Variants in EPHB1 observed in about 807,000 individuals in gnomAD.
EPHB1 encodes the protein ephrin type-B receptor 1.
Under a neutral mutation model 94.4 loss-of-function variants are expected in EPHB1, and 30 were observed. The observed-to-expected ratio is 0.32, with a 90% CI of 0.24 to 0.43. The LOEUF is 0.43. Ranked by LOEUF, EPHB1 falls within the 20% of genes least tolerant of loss-of-function variation. The pLI, the probability that EPHB1 is intolerant of heterozygous loss-of-function variation, is 1.00. For synonymous variants in EPHB1, 522 were observed against 489.1 expected (o/e 1.07, Z -0.89); for missense variants, 1,055 against 1,308.3 (o/e 0.81, Z 2.99).
intron 12 of EPHB1, among the ~76,000 whole-genome samples, chr3:135,218,664 T>C (rs1943210175): frequency 6.6e-6 from 1 of 152,232 alleles, no homozygotes; most frequent in Non-Finnish European, 1.5e-5. Flanking sequence ...TACTGGCTGT[T>C]CTCCTAGCCA....
rs959906955 is a variant in EPHB1 at position 135,080,522 on chromosome 3, G to A, written c.806-25926G>A. 6.6e-5 allele frequency among the ~76,000 whole-genome samples: 10 copies of A among 152,122 alleles called. No homozygotes were observed. The South Asian group carries it at 1.0e-3, about 16-fold the overall frequency. ...TTGGGGGTGGGGCAAAGGTAGCATC[G>A]TCAGAGGTCCAAGATTGAATAGTCT... On this transcript the variant is annotated intron_variant, in intron 3 of 15. Coordinates refer to ENST00000398015, the MANE Select transcript of EPHB1 (RefSeq NM_004441.5).
chr3:134,960,237 G>A (rs776283183), intron 3 of EPHB1, among the ~76,000 whole-genome samples: 1 of 152,038 alleles, frequency 6.6e-6, no homozygotes, highest in East Asian at 1.9e-4. Flanking sequence ...ACTGGAAAGA[G>A]TAACTTGAGG....
intron 5 of EPHB1, among the ~76,000 whole-genome samples, chr3:135,152,589 G>A (rs1347962109): frequency 2.6e-5 from 4 of 152,180 alleles, no homozygotes; most frequent in African/African-American, 7.2e-5. Flanking sequence ...AAAGGAGAGA[G>A]GGAAGGAAGG....
chr3:135,088,478 GT>G (rs1205644015), intron 3 of EPHB1, among the ~76,000 whole-genome samples: 5 of 152,154 alleles, frequency 3.3e-5, no homozygotes, highest in South Asian at 4.2e-4. Context: ...AAAATACAGG[GT>G]TTTTTTTCTC....
chr3:135,167,058 A>G (rs1941670925), intron 9 of EPHB1, 52 bp downstream of exon 9: 3 of 1,592,528 alleles, frequency 1.9e-6, no homozygotes, highest in Admixed American at 1.7e-5. Context: ...CACTGAGTCA[A>G]GTGGGCTAGT....
chr3:135,048,211 T>TA (rs1217491898), intron 3 of EPHB1, among the ~76,000 whole-genome samples: 117 of 129,522 alleles, frequency 9.0e-4, no homozygotes, highest in African/African-American at 1.7e-3. Context: ...TTTCAAGTCT[T>TA]AAAAAAAATA....
chr3:135,166,336 A>G (rs1387583875), intron 8 of EPHB1, among the ~76,000 whole-genome samples: 2 of 152,174 alleles, frequency 1.3e-5, no homozygotes, highest in Admixed American at 6.5e-5. Flanking sequence ...CCCCTCTTAC[A>G]CACAATGGCT....
At chr3:134,810,122 C>T (rs1251310988) in intron 1 of EPHB1, among the ~76,000 whole-genome samples, 1 of 152,198 alleles carries the variant, frequency 6.6e-6, no homozygotes, top group Non-Finnish European at 1.5e-5. Context: ...CTCTGTTGAT[C>T]TGAGGTCCTA....
At chr3:134,963,069 C>A (rs1933585405) in intron 3 of EPHB1, among the ~76,000 whole-genome samples, 1 of 151,948 alleles carries the variant, frequency 6.6e-6, no homozygotes, top group Non-Finnish European at 1.5e-5. Context: ...CTCCCTACTT[C>A]TCTTACTTAC....
chr3:134,880,562 C>T (rs1432282511), intron 1 of EPHB1, among the ~76,000 whole-genome samples: 8 of 152,316 alleles, frequency 5.3e-5, no homozygotes, highest in African/African-American at 1.9e-4. Context: ...TGTAGCCCCC[C>T]GACACAGCCA....
intron 12 of EPHB1, among the ~76,000 whole-genome samples, chr3:135,203,129 A>C (rs1274621565): frequency 6.6e-6 from 1 of 152,242 alleles, no homozygotes; most frequent in Non-Finnish European, 1.5e-5. Context: ...CGGAAAACCA[A>C]ACACTACATG....
At chr3:135,105,418 A>G (rs544454326) in intron 3 of EPHB1, among the ~76,000 whole-genome samples, 1 of 152,326 alleles carries the variant, frequency 6.6e-6, no homozygotes, top group South Asian at 2.1e-4. Flanking sequence ...AGGATGAGCC[A>G]GAGTAGGTTT....
intron 12 of EPHB1, among the ~76,000 whole-genome samples, chr3:135,238,160 G>A (rs1943699186): frequency 6.6e-6 from 1 of 152,212 alleles, no homozygotes; most frequent in African/African-American, 2.4e-5. Flanking sequence ...AAAGATGGAA[G>A]GAAGGTTTAA....
At chr3:134,821,551 GA>G (rs1272731038) in intron 1 of EPHB1, among the ~76,000 whole-genome samples, 2 of 152,016 alleles carry the variant, frequency 1.3e-5, no homozygotes, top group Non-Finnish European at 2.9e-5. Context: ...AATTAGTGGT[GA>G]AAAAAGGATA....
chr3:134,934,678 T>C (rs1408518832), intron 2 of EPHB1, among the ~76,000 whole-genome samples: 3 of 149,846 alleles, frequency 2.0e-5, no homozygotes, highest in Non-Finnish European at 3.0e-5. Context: ...TATGACTTTG[T>C]GTGTGTGCGG....
At chr3:134,799,610 T>C (rs2035897046) in intron 1 of EPHB1, among the ~76,000 whole-genome samples, 2 of 152,178 alleles carry the variant, frequency 1.3e-5, no homozygotes, top group African/African-American at 4.8e-5. Flanking sequence ...AGCTCAAACC[T>C]TCTGGGTTAG....
chr3:135,242,441 G>C (rs1943809369), intron 13 of EPHB1, among the ~76,000 whole-genome samples: 1 of 152,144 alleles, frequency 6.6e-6, no homozygotes, highest in African/African-American at 2.4e-5. Flanking sequence ...GAAAGGTTTA[G>C]TGCCATGGCA....
intron 3 of EPHB1, among the ~76,000 whole-genome samples, chr3:134,989,173 A>G (rs541403937): frequency 6.6e-6 from 1 of 152,316 alleles, no homozygotes; most frequent in African/African-American, 2.4e-5. Context: ...GCAGGATCAC[A>G]GGTGACATAA....
chr3:134,797,636 C>T (rs763324942), intron 1 of EPHB1, among the ~76,000 whole-genome samples: 1 of 152,198 alleles, frequency 6.6e-6, no homozygotes, highest in Non-Finnish European at 1.5e-5. Flanking sequence ...TTCCTCCCTG[C>T]CCCTCTTCTT....
Sources: allele counts gnomAD v4.1 joint callset (sites outside exome capture counted in the v4.1 genomes callset), GRCh38; gene constraint gnomAD v4.1.1; transcripts MANE v1.5; gene names NCBI Gene and HGNC (gene_info 2026-07-23, HGNC 2026-07-21).